The following KIAA1549 variants were observed in gnomAD, a reference collection of about 807,000 sequenced individuals.
KIAA1549 encodes the protein KIAA1549, also known as UPF0606 protein KIAA1549.
Under a neutral mutation model 156.4 loss-of-function variants are expected in KIAA1549, and 70 were observed. The ratio of observed to expected loss-of-function variants is 0.45; its 90% confidence interval spans 0.37 to 0.55. The LOEUF (loss-of-function observed/expected upper bound fraction) is 0.55. Ranked by LOEUF, KIAA1549 falls within the 20% of genes least tolerant of loss-of-function variation. The probability of loss-of-function intolerance (pLI) is 0.00; values close to 1 mark genes in which losing one functional copy is unlikely to be tolerated. For synonymous variants in KIAA1549, 1,103 were observed against 1,066.4 expected, an observed-to-expected ratio of 1.03 and a Z score of -0.67; for missense variants, 2,428 against 2,540.9, an observed-to-expected ratio of 0.96 and a Z score of 0.96.
chr7:138,852,065 A>T (rs1372040817), intron 17 of KIAA1549, among the ~76,000 whole-genome samples, 158 bp downstream of exon 17: 1 of 152,240 alleles, frequency 6.6e-6, no homozygotes, highest in African/African-American at 2.4e-5. Context: ...CAGAACTTAA[A>T]TTCCAACTAT....
At position 138,833,142 on chromosome 7, in the gene KIAA1549, G is replaced by C. The variant is rs879767840; in HGVS notation, c.*4764C>G. 3.9e-5 allele frequency: 9 copies of C among 232,350 alleles called. No homozygotes were observed. The highest frequency in any genetic ancestry group is 2.3e-4 in the Admixed American group (4 of 17,736). The allele number at this position is 232,350 out of a possible 1,614,324, so 14.4% of individuals were successfully genotyped here. A position where few individuals can be genotyped will look rare whatever the true frequency, so the allele number is the denominator to read the frequency against. ...ACTGGCGCTGGCACCTTGCTCCGGA[G>C]GTAGAAATGACCACGGTGAAAACTC... On this transcript the variant is annotated 3_prime_UTR_variant, in exon 20 of 20. Transcript: ENST00000422774.
At chr7:138,951,841 T>TA (rs1245598388) in intron 1 of KIAA1549, among the ~76,000 whole-genome samples, 9 of 152,234 alleles carry the variant, frequency 5.9e-5, no homozygotes, top group African/African-American at 2.2e-4. Context: ...AAGCACTTCA[T>TA]AAATGACCAT....
intron 16 of KIAA1549, among the ~76,000 whole-genome samples, chr7:138,860,281 G>A (rs989205596): frequency 2.6e-5 from 4 of 152,110 alleles, no homozygotes; most frequent in Admixed American, 1.3e-4. Context: ...GGAGGCTCTC[G>A]GCCTCCCATG....
rs963558781 is a variant in KIAA1549, at chr7:138,918,887, C to T, written c.739G>A (p.Gly247Ser). Reference protein sequence around the residue: ...RTSEGIVPTPGRNLVLYPTDA... With the variant: ...RTSEGIVPTPSRNLVLYPTDA... ...GTAGGATAAAGCACCAAATTCCTGC[C>T]AGGAGTTGGAACGATGCCCTCAGAG... Residue 247 changes from glycine to serine, a missense_variant, in exon 2 of 20, where the codon GGC (glycine) becomes AGC (serine). Transcript: ENST00000422774. The surrounding 1 kb of genome is among the most constrained non-coding windows in gnomAD (Gnocchi z 4.2). The T allele has an allele frequency of 2.5e-6, 4 of 1,613,884 alleles. No homozygotes were observed. The African/African-American group carries it at 5.3e-5, about 22-fold the overall frequency.
chr7:138,883,319 T>C (rs1811302913), intron 10 of KIAA1549, among the ~76,000 whole-genome samples: 1 of 149,812 alleles, frequency 6.7e-6, no homozygotes, highest in Non-Finnish European at 1.5e-5. Context: ...ATTTCTTTTT[T>C]TTTTTTTTTT....
intron 5 of KIAA1549, among the ~76,000 whole-genome samples, chr7:138,908,006 G>A (rs918825343): frequency 1.3e-5 from 2 of 152,028 alleles, no homozygotes; most frequent in Admixed American, 1.3e-4. Context: ...AGAAGCCCAC[G>A]CTGACATATT....
intron 1 of KIAA1549, among the ~76,000 whole-genome samples, chr7:138,967,103 C>T (rs998408428): frequency 6.6e-6 from 1 of 152,136 alleles, no homozygotes; most frequent in Non-Finnish European, 1.5e-5. Flanking sequence ...TTAACTTTGT[C>T]CACTGATGTA....
Position 138,919,333 on chromosome 7 carries a change from G to C in KIAA1549, c.293C>G (p.Ala98Gly). Residue 98 changes from alanine to glycine, a missense_variant, in exon 2 of 20, where the codon GCT becomes GGT. Coordinates refer to ENST00000422774, the MANE Select transcript of KIAA1549 (RefSeq NM_001164665.2). ...SAAQVALTET[A>G]PGSQHSSPLH... ...AGGACTGCTGTGCTGGGAGCCGGGA[G>C]CAGTTTCTGTTAAGGCCACTTGTGC... The C allele has an allele frequency of 6.2e-7, 1 of 1,614,050 alleles. No homozygotes were observed. Among genetic ancestry groups the C allele is most frequent in the Non-Finnish European group, 8.5e-7 (1 of 1,179,902 alleles).
chr7:138,943,115 T>A (rs1200840357), intron 1 of KIAA1549, among the ~76,000 whole-genome samples: 1 of 152,148 alleles, frequency 6.6e-6, no homozygotes, highest in African/African-American at 2.4e-5. Flanking sequence ...TAGACCCACA[T>A]GAGAGAAGGA....
At chr7:138,877,624 T>C (rs1049661883) in intron 12 of KIAA1549, among the ~76,000 whole-genome samples, 2 of 152,250 alleles carry the variant, frequency 1.3e-5, no homozygotes, top group Non-Finnish European at 2.9e-5. Context: ...AGCTATCTAA[T>C]GGCACCTTTC....
chr7:138,871,583 A>C (rs1429236447), intron 12 of KIAA1549, among the ~76,000 whole-genome samples: 1 of 152,228 alleles, frequency 6.6e-6, no homozygotes, highest in Non-Finnish European at 1.5e-5. Flanking sequence ...CAAGTACCCT[A>C]AGAAGAGACG....
intron 1 of KIAA1549, among the ~76,000 whole-genome samples, chr7:138,973,617 T>A (rs981933910): frequency 6.6e-6 from 1 of 152,210 alleles, no homozygotes; most frequent in Admixed American, 6.5e-5. Context: ...TCCATATCTA[T>A]GACTTCAACT....
At chr7:138,859,118 T>C (rs1810481538) in intron 16 of KIAA1549, among the ~76,000 whole-genome samples, 1 of 152,124 alleles carries the variant, frequency 6.6e-6, no homozygotes, top group African/African-American at 2.4e-5. Flanking sequence ...TACATCAACA[T>C]CTGGCAGTGT....
intron 1 of KIAA1549, among the ~76,000 whole-genome samples, chr7:138,920,086 G>T (rs1310466641): frequency 2.0e-5 from 3 of 151,846 alleles, no homozygotes; most frequent in African/African-American, 7.3e-5. Context: ...TCCCAGCTAT[G>T]CTCTGGCACC....
chr7:138,860,076 C>T (rs1045887055), intron 16 of KIAA1549, among the ~76,000 whole-genome samples: 5 of 152,196 alleles, frequency 3.3e-5, no homozygotes, highest in Non-Finnish European at 5.9e-5. Context: ...TAAAGTGACC[C>T]GATGGCAGCT....
chr7:138,930,948 A>T, intron 1 of KIAA1549, among the ~76,000 whole-genome samples: 1 of 152,298 alleles, frequency 6.6e-6, no homozygotes, highest in East Asian at 1.9e-4. Flanking sequence ...CAAGTGAGAG[A>T]CATGCAACTC....
chr7:138,951,961 G>C (rs543128465), intron 1 of KIAA1549, among the ~76,000 whole-genome samples: 1 of 152,102 alleles, frequency 6.6e-6, no homozygotes, highest in Non-Finnish European at 1.5e-5. Context: ...CTCTGGAATC[G>C]AACAATCTGG....
At chr7:138,839,165 A>G (rs1416649724) in intron 19 of KIAA1549, among the ~76,000 whole-genome samples, 1 of 152,218 alleles carries the variant, frequency 6.6e-6, no homozygotes, top group East Asian at 1.9e-4. Flanking sequence ...TTCTAAAGTT[A>G]ATGTCTTTTT....
rs1381129838 is a variant in KIAA1549, at chr7:138,844,366, C to G, written c.5403G>C (p.Ser1801=). The G allele has an allele frequency of 1.9e-6, 3 of 1,613,262 alleles. No individual in the cohort carries two copies. The highest frequency in any genetic ancestry group is 2.2e-5 in the East Asian group (1 of 44,870). ...EAPFAARGIY[S]EEMPSVARPR... is the part of the protein sequence containing the mutation. ...GCCGGGCCACCGACGGCATCTCCTC[C>G]GAGTAGATCCCTCTGGCAGCAAATG... is the stretch of plus-strand genomic sequence containing the variant. The change falls in exon 18 of 20, where the codon TCG becomes TCC. Residue 1801 remains serine, a synonymous_variant. Transcript: ENST00000422774.
Sources: allele counts gnomAD v4.1 joint callset (sites outside exome capture counted in the v4.1 genomes callset), GRCh38; gene constraint gnomAD v4.1.1; non-coding constraint Gnocchi (gnomAD v3.1); transcripts MANE v1.5; gene names NCBI Gene and HGNC (gene_info 2026-07-23, HGNC 2026-07-21).